The following KIAA0586 variants were observed in gnomAD, a reference collection of about 807,000 sequenced individuals.
KIAA0586 encodes the protein KIAA0586.
KIAA0586 carries 144 observed loss-of-function variants against 169.8 expected under a neutral mutation model. That is an observed-to-expected ratio of 0.85 (90% CI 0.74 to 0.97). KIAA0586 has a LOEUF of 0.97. Among genes scored for constraint, KIAA0586 ranks in the 50% least tolerant of loss-of-function variants. The pLI, the probability that KIAA0586 is intolerant of heterozygous loss-of-function variation, is 0.00. For missense variants in KIAA0586, 1,854 were observed against 1,823.0 expected, an observed-to-expected ratio of 1.02 and a Z score of -0.31; for synonymous variants, 625 against 612.4, an observed-to-expected ratio of 1.02 and a Z score of -0.30.
intron 5 of KIAA0586, among the ~76,000 whole-genome samples, chr14:58,443,446 G>A (rs769749518): frequency 5.9e-5 from 9 of 152,148 alleles, no homozygotes; most frequent in Admixed American, 1.3e-4. Context: ...TGTTTGAGAC[G>A]GAGTCTCACT....
chr14:58,482,851 G>A, intron 21 of KIAA0586, 139 bp downstream of exon 21: 5 of 611,346 alleles, frequency 8.2e-6, no homozygotes, highest in Non-Finnish European at 1.2e-5. Context: ...GCCCTGGCTG[G>A]TCTTGAAGTT....
chr14:58,430,819 A>G, intron 3 of KIAA0586, 102 bp downstream of exon 3: 1 of 641,162 alleles, frequency 1.6e-6, no homozygotes, highest in East Asian at 2.9e-5. Context: ...GTACATTCAC[A>G]TTGTTGTACA....
chr14:58,494,307 C>G (rs2141258187), intron 26 of KIAA0586, among the ~76,000 whole-genome samples: 1 of 137,234 alleles, frequency 7.3e-6, no homozygotes, highest in Admixed American at 7.8e-5. Flanking sequence ...GTTTTTCATA[C>G]TTGACATTCT....
intron 27 of KIAA0586, among the ~76,000 whole-genome samples, chr14:58,502,939 T>A (rs2043678023): frequency 6.6e-6 from 1 of 152,186 alleles, no homozygotes; most frequent in African/African-American, 2.4e-5. Context: ...CATCTCTTCT[T>A]ACTTTGCCCC....
intron 29 of KIAA0586, among the ~76,000 whole-genome samples, chr14:58,531,336 A>T (rs1361804354): frequency 6.6e-6 from 1 of 151,130 alleles, no homozygotes; most frequent in East Asian, 1.9e-4. Context: ...CAAAAAAAAA[A>T]AAAAATAAAA....
At chr14:58,437,803 G>A (rs2037961908) in intron 4 of KIAA0586, among the ~76,000 whole-genome samples, 2 of 151,104 alleles carry the variant, frequency 1.3e-5, no homozygotes, top group African/African-American at 4.9e-5. Flanking sequence ...GGTAGTCTAA[G>A]TCTAAGCTCT....
intron 4 of KIAA0586, among the ~76,000 whole-genome samples, chr14:58,435,146 A>G (rs1444652975): frequency 6.6e-6 from 1 of 151,986 alleles, no homozygotes; most frequent in African/African-American, 2.4e-5. Context: ...ATAATGTTTC[A>G]AGCTTAAGGA....
intron 6 of KIAA0586, 40 bp downstream of exon 6, chr14:58,444,215 A>T (rs1319237500): frequency 7.9e-7 from 1 of 1,260,898 alleles, no homozygotes; most frequent in African/African-American, 1.5e-5. Flanking sequence ...ATAATCTTTT[A>T]TCACTTGGAT....
intron 19 of KIAA0586, among the ~76,000 whole-genome samples, chr14:58,476,454 C>T (rs1030091900): frequency 4.6e-5 from 7 of 152,050 alleles, no homozygotes; most frequent in African/African-American, 1.7e-4. Context: ...TTTTCTAGCT[C>T]TGATCTGATA....
At chr14:58,430,584 G>A (rs533991703) in intron 2 of KIAA0586, 64 bp from the exon 3 acceptor site, 65 of 992,646 alleles carry the variant, frequency 6.5e-5, no homozygotes, top group Non-Finnish European at 8.8e-5. Context: ...GCTAGTAAAC[G>A]GTTCTTGATA....
At chr14:58,447,441 A>ATATTTTATTTTATTTTATTTTATTT (rs142310844) in intron 6 of KIAA0586, among the ~76,000 whole-genome samples, 9 of 130,652 alleles carry the variant, frequency 6.9e-5, no homozygotes, top group African/African-American at 1.4e-4. Context: ...CTCATTTCAG[A>ATATTTTATTTTATTTTATTTTATTT]TATTTTATTT....
chr14:58,561,561 T>A, the KIAA0586 span, among the ~76,000 whole-genome samples: 1 of 152,212 alleles, frequency 6.6e-6, no homozygotes, highest in Non-Finnish European at 1.5e-5. Flanking sequence ...TACTTTCTTT[T>A]TTCATTTTAG....
At chr14:58,464,898 A>G (rs986906282) in intron 14 of KIAA0586, among the ~76,000 whole-genome samples, 3 of 152,208 alleles carry the variant, frequency 2.0e-5, no homozygotes, top group Non-Finnish European at 1.5e-5. Context: ...CGCTACTCAG[A>G]ACAGCGTACA....
chr14:58,432,665 AAC>A (rs1256594268), intron 4 of KIAA0586, among the ~76,000 whole-genome samples: 1 of 152,182 alleles, frequency 6.6e-6, no homozygotes, highest in Non-Finnish European at 1.5e-5. Context: ...TAACTCATTT[AAC>A]ACACTTATAA....
chr14:58,485,831 T>TTG (rs907873437), intron 21 of KIAA0586, among the ~76,000 whole-genome samples: 4 of 152,084 alleles, frequency 2.6e-5, no homozygotes, highest in Non-Finnish European at 5.9e-5. Context: ...TATACTCAGT[T>TTG]TGTGTGTGTG....
At chr14:58,538,410 A>T (rs568106500) in intron 29 of KIAA0586, among the ~76,000 whole-genome samples, 54 of 152,136 alleles carry the variant, frequency 3.5e-4, no homozygotes, top group African/African-American at 9.6e-4. Context: ...CCACCCAAAA[A>T]TTTTTTTAAT....
chr14:58,508,463 G>A (rs2044155742), intron 27 of KIAA0586, 92 bp from the exon 28 acceptor site: 2 of 985,342 alleles, frequency 2.0e-6, no homozygotes, highest in Non-Finnish European at 1.5e-6. Context: ...CAGCAGGTGA[G>A]AAATATTGGT....
chr14:58,520,518 T>A (rs1168143758), intron 29 of KIAA0586, among the ~76,000 whole-genome samples: 1 of 151,802 alleles, frequency 6.6e-6, no homozygotes, highest in Non-Finnish European at 1.5e-5. Flanking sequence ...GTTTTGTTGT[T>A]GTTGTTGTTG....
intron 16 of KIAA0586, among the ~76,000 whole-genome samples, chr14:58,469,121 G>A (rs910582679): frequency 6.6e-6 from 1 of 152,138 alleles, no homozygotes; most frequent in African/African-American, 2.4e-5. Context: ...CAACCCACCA[G>A]CCTGAGAGAT....
Sources: allele counts gnomAD v4.1 joint callset (sites outside exome capture counted in the v4.1 genomes callset), GRCh38; gene constraint gnomAD v4.1.1; transcripts MANE v1.5; gene names NCBI Gene and HGNC (gene_info 2026-07-23, HGNC 2026-07-21).